The following MED13L variants were observed in gnomAD, a reference collection of about 807,000 sequenced individuals.
MED13L encodes mediator complex subunit 13L.
In MED13L, 7 loss-of-function variants were observed where a neutral mutation model predicts 220.9. The observed-to-expected ratio is 0.03, with a 90% CI of 0.02 to 0.06. The LOEUF is 0.06. Among genes scored for constraint, MED13L ranks in the 10% least tolerant of loss-of-function variants. MED13L has a pLI of 1.00. For missense variants in MED13L, 1,965 were observed against 2,760.5 expected (o/e 0.71, Z 6.46); for synonymous variants, 1,011 against 1,015.2 (o/e 1.00, Z 0.08).
intron 2 of MED13L, among the ~76,000 whole-genome samples, chr12:116,147,748 T>C (rs141429846): frequency 1.8e-4 from 28 of 152,270 alleles, no homozygotes; most frequent in Non-Finnish European, 2.9e-5. Flanking sequence ...TTTTACAACA[T>C]TCATCCTTAT....
chr12:116,122,051 C>A (rs146886558), intron 2 of MED13L, among the ~76,000 whole-genome samples: 3 of 152,156 alleles, frequency 2.0e-5, no homozygotes, highest in Non-Finnish European at 4.4e-5. Context: ...TTGCCCACTG[C>A]CTTTGTTTTC....
chr12:116,109,166 G>C (rs1873872052), intron 3 of MED13L, among the ~76,000 whole-genome samples: 1 of 144,058 alleles, frequency 6.9e-6, no homozygotes, highest in Non-Finnish European at 1.5e-5. Flanking sequence ...AACCTCCTGG[G>C]CTCAAGCAAT....
intron 2 of MED13L, among the ~76,000 whole-genome samples, chr12:116,183,745 G>C (rs1880681691): frequency 6.6e-6 from 1 of 151,696 alleles, no homozygotes; most frequent in Admixed American, 6.6e-5. Flanking sequence ...GAGGCAAGCA[G>C]GGAAAAAATC....
chr12:116,057,122 G>A (rs1869040835), intron 4 of MED13L, among the ~76,000 whole-genome samples: 1 of 152,134 alleles, frequency 6.6e-6, no homozygotes, highest in Non-Finnish European at 1.5e-5. Flanking sequence ...AAGAAAGCTA[G>A]TAGAGTCATT....
chr12:116,092,362 A>T (rs1872297771), intron 4 of MED13L, among the ~76,000 whole-genome samples: 1 of 152,174 alleles, frequency 6.6e-6, no homozygotes, highest in African/African-American at 2.4e-5. Context: ...GCTATAACAG[A>T]GTCTGGGGAA....
At position 115,972,251 on chromosome 12, in the gene MED13L, C is replaced by T. The variant is rs746805729; in HGVS notation, c.5732-15G>A. 8.1e-6 allele frequency: 13 copies of T among 1,611,466 alleles called. No individual in the cohort carries two copies. Among genetic ancestry groups the T allele is most frequent in the Admixed American group, 6.7e-5 (4 of 59,972 alleles). ...GATACTCCAATCTGAAATCAAATAT[C>T]GCAGTCATACACAGTCTTTAGAAAT... On this transcript the variant is annotated splice_polypyrimidine_tract_variant and intron_variant, in intron 25 of 30. Coordinates refer to ENST00000281928, the MANE Select transcript of MED13L (RefSeq NM_015335.5).
intron 1 of MED13L, among the ~76,000 whole-genome samples, chr12:116,254,029 G>A (rs1325532238): frequency 6.6e-6 from 1 of 151,838 alleles, no homozygotes; most frequent in East Asian, 1.9e-4. Flanking sequence ...CCAAATTGCT[G>A]GGATTACAGG....
intron 13 of MED13L, 144 bp from the exon 14 acceptor site, chr12:116,003,246 T>G: frequency 1.4e-6 from 1 of 714,462 alleles, no homozygotes. Context: ...CAACAGATAG[T>G]GAAACAAAGG....
chr12:116,056,301 A>G (rs1403757589), intron 4 of MED13L, among the ~76,000 whole-genome samples: 1 of 151,524 alleles, frequency 6.6e-6, no homozygotes, highest in Non-Finnish European at 1.5e-5. Context: ...TTTTTGAGAC[A>G]AAGTCTTACT....
At chr12:116,256,621 TAAG>T (rs550361356) in intron 1 of MED13L, among the ~76,000 whole-genome samples, 300 of 150,336 alleles carry the variant, frequency 2.0e-3, no homozygotes, top group African/African-American at 7.1e-3. Flanking sequence ...ATAAATGTAA[TAAG>T]AAATGTATGT....
At chr12:116,160,586 A>T (rs1441285597) in intron 2 of MED13L, among the ~76,000 whole-genome samples, 2 of 103,122 alleles carry the variant, frequency 1.9e-5, no homozygotes, top group South Asian at 3.7e-4. Flanking sequence ...ACTTTAATTT[A>T]AAAAAAAAAA....
rs1325524709 is a variant in MED13L at position 116,019,335 on chromosome 12, T to G, written c.898A>C (p.Ser300Arg). 2 of 1,614,012 alleles carry G rather than the reference T, an allele frequency of 1.2e-6. No individual in the cohort carries two copies. The highest frequency in any genetic ancestry group is 1.7e-6 in the Non-Finnish European group (2 of 1,179,946). ...CCAACTGCAATGTGGCCTCCAGCAC[T>G]GGCAACACTCTGAGGAACCGGGATG... The part of the protein sequence containing the change: ...NDIPVPQSVA[S>R]AGGHIAVGQQ... The change falls in exon 7 of 31, where the codon AGT becomes CGT. Residue 300 changes from serine (S) to arginine (R), a missense_variant. Around this residue, in one of 10 missense-constraint regions of MED13L, gnomAD observed 818 missense variants for 1,041.2 expected, o/e 0.79. Transcript: ENST00000281928.
At chr12:116,031,704 A>AGGAAAG (rs1445886705) in intron 4 of MED13L, among the ~76,000 whole-genome samples, 2 of 48,366 alleles carry the variant, frequency 4.1e-5, no homozygotes, top group Non-Finnish European at 8.5e-5. Context: ...AGAAAAGAAA[A>AGGAAAG]GAAAAGAAAA....
chr12:116,045,679 T>G (rs1195484178), intron 4 of MED13L, among the ~76,000 whole-genome samples: 1 of 152,086 alleles, frequency 6.6e-6, no homozygotes, highest in African/African-American at 2.4e-5. Flanking sequence ...ATAACAAATT[T>G]TCAAGTAAAT....
At position 115,972,145 on chromosome 12, in the gene MED13L, G is replaced by A; in HGVS notation, c.5823C>T (p.Asp1941=). 6.2e-7 allele frequency: 1 copy of A among 1,614,052 alleles called. No homozygotes were observed. The highest frequency in any genetic ancestry group is 1.1e-5 in the South Asian group (1 of 91,082). The change falls in exon 26 of 31, where the codon GAC becomes GAT. Residue 1941 remains aspartate, a synonymous_variant. Transcript: ENST00000281928. ...GGCAGGCACTAAGGATAGAAGGAGA[G>A]TCTGCGGCAGAGATTCCACACATCC... ...VCRMCGISAA[D]SPSILSACLV... is the part of the protein sequence containing the mutation.
intron 30 of MED13L, chr12:115,962,794 G>A (rs893629736): frequency 3.8e-5 from 6 of 159,878 alleles, no homozygotes; most frequent in Admixed American, 2.3e-4. Flanking sequence ...GGAGGCTGAG[G>A]CAGGCAGATC....
chr12:116,275,910 T>G (rs1873776488), intron 1 of MED13L, among the ~76,000 whole-genome samples: 1 of 152,224 alleles, frequency 6.6e-6, no homozygotes, highest in Non-Finnish European at 1.5e-5. Flanking sequence ...CGTACTCTCC[T>G]GGGCACATAG....
chr12:116,003,542 T>C (rs940548087), intron 13 of MED13L, among the ~76,000 whole-genome samples: 2 of 152,102 alleles, frequency 1.3e-5, no homozygotes, highest in Admixed American at 1.3e-4. Flanking sequence ...GTATCTTCTG[T>C]ACCTATTTTT....
At chr12:116,016,197 T>C (rs1879713459) in intron 7 of MED13L, among the ~76,000 whole-genome samples, 1 of 151,994 alleles carries the variant, frequency 6.6e-6, no homozygotes, top group Non-Finnish European at 1.5e-5. Flanking sequence ...TTAACGAAAG[T>C]CAAGGTGAAA....
Sources: allele counts gnomAD v4.1 joint callset (sites outside exome capture counted in the v4.1 genomes callset), GRCh38; gene constraint gnomAD v4.1.1; regional missense constraint gnomAD v4.1.1; transcripts MANE v1.5; gene names NCBI Gene and HGNC (gene_info 2026-07-23, HGNC 2026-07-21).